The following SBNO1 variants were observed in gnomAD, a reference collection of about 807,000 sequenced individuals.
SBNO1 encodes protein strawberry notch homolog 1.
Under a neutral mutation model 173.6 loss-of-function variants are expected in SBNO1, and 23 were observed. The ratio of observed to expected loss-of-function variants is 0.13; its 90% CI spans 0.10 to 0.19. The LOEUF is 0.19. SBNO1 is among the 10% of genes least tolerant of loss of function. SBNO1 has a pLI of 1.00. For synonymous variants in SBNO1, 632 were observed against 571.5 expected (o/e 1.11, Z -1.51); for missense variants, 1,238 against 1,671.2 (o/e 0.74, Z 4.52).
At chr12:123,358,796 G>C (rs901816402) in intron 1 of SBNO1, among the ~76,000 whole-genome samples, 2 of 150,158 alleles carry the variant, frequency 1.3e-5, no homozygotes, top group African/African-American at 4.9e-5. Context: ...ACAACAAAGG[G>C]AGCTTGGAAT....
intron 8 of SBNO1, 88 bp from the exon 9 acceptor site, chr12:123,330,597 CTT>C: frequency 2.3e-6 from 1 of 437,782 alleles, no homozygotes; most frequent in African/African-American, 7.0e-5. Context: ...GGTCTTGACA[CTT>C]AAAAAAAAAA....
chr12:123,342,213 G>C (rs1872649071), intron 4 of SBNO1, among the ~76,000 whole-genome samples: 1 of 151,808 alleles, frequency 6.6e-6, no homozygotes, highest in South Asian at 2.1e-4. Context: ...TTGCATCATT[G>C]AACTCCAGCC....
At chr12:123,311,854 G>T (rs963853995) in intron 24 of SBNO1, among the ~76,000 whole-genome samples, 8 of 151,396 alleles carry the variant, frequency 5.3e-5, no homozygotes, top group Admixed American at 3.3e-4. Context: ...TCCCACCTCA[G>T]CTTCCCGAGC....
rs2048540485 is a variant in SBNO1 at position 123,293,440 on chromosome 12, G to C, written c.*2468C>G. The C allele has an allele frequency of 6.6e-6, 1 of 152,130 alleles. No individual in the cohort carries two copies. Among genetic ancestry groups the C allele is most frequent in the Admixed American group, 6.6e-5 (1 of 15,266 alleles). The allele number at this position is 152,130 out of a possible 1,614,324, so 9.4% of individuals were successfully genotyped here. ...CGGCCAAACTAACTCGCTGATTTTT[G>C]CAAGACCACAGTGTAAAGGTCGGAT... On this transcript the variant is annotated 3_prime_UTR_variant, in exon 32 of 32. Transcript: ENST00000602398.
chr12:123,331,204 C>T (rs561409096), intron 8 of SBNO1, 38 bp downstream of exon 8: 18 of 1,605,524 alleles, frequency 1.1e-5, no homozygotes, highest in African/African-American at 6.7e-5. Flanking sequence ...CCTCGTGATC[C>T]GCTGCGCCTG....
rs375104907 is a variant in SBNO1, at chr12:123,336,450, T to G, written c.693A>C (p.Glu231Asp). 8.1e-6 allele frequency: 13 copies of G among 1,612,900 alleles called. No homozygotes were observed. The highest frequency in any genetic ancestry group is 3.3e-5 in the Admixed American group (2 of 59,786). ...CTGCATGACCCATTTCTTCTTCATCTTCTTCCTCTGGTTCATCATCTTCTT... is the reference window on the plus strand; with the variant it reads ...CTGCATGACCCATTTCTTCTTCATCGTCTTCCTCTGGTTCATCATCTTCTT... ...VVKEDDEPEE[E>D]DEEEMGHAET... The change falls in exon 6 of 32, where the codon GAA becomes GAC. Residue 231 changes from glutamate (E) to aspartate (D), a missense_variant. Around this residue, in one of 14 missense-constraint regions of SBNO1, gnomAD observed 287 missense variants for 274.1 expected, o/e 1.05. Transcript: ENST00000602398.
intron 1 of SBNO1, 58 bp from the exon 2 acceptor site, chr12:123,350,499 C>T (rs1873745643): frequency 7.5e-7 from 1 of 1,328,636 alleles, no homozygotes; most frequent in South Asian, 1.2e-5. Context: ...AATATTAACT[C>T]CCCTCTAAAT....
chr12:123,316,882 T>TA (rs1303304999), intron 21 of SBNO1, among the ~76,000 whole-genome samples: 2 of 151,892 alleles, frequency 1.3e-5, no homozygotes, highest in Admixed American at 1.3e-4. Context: ...TTTGTATTTT[T>TA]AGTAGAGGCT....
intron 31 of SBNO1, among the ~76,000 whole-genome samples, chr12:123,296,542 CAT>C (rs1436315827): frequency 6.7e-6 from 1 of 148,784 alleles, no homozygotes; most frequent in African/African-American, 2.4e-5. Flanking sequence ...AAATTGCATG[CAT>C]ATATATATGT....
intron 20 of SBNO1, among the ~76,000 whole-genome samples, chr12:123,317,794 T>C (rs2138954239): frequency 6.6e-6 from 1 of 152,326 alleles, no homozygotes; most frequent in South Asian, 2.1e-4. Flanking sequence ...ATAATCTATC[T>C]TATTGAAGTC....
At chr12:123,347,442 G>A (rs1873327213) in intron 3 of SBNO1, among the ~76,000 whole-genome samples, 1 of 151,780 alleles carries the variant, frequency 6.6e-6, no homozygotes, top group Admixed American at 6.6e-5. Context: ...TAACCAGGAT[G>A]GTCTCGATCT....
intron 30 of SBNO1, among the ~76,000 whole-genome samples, chr12:123,300,688 G>A (rs896460687): frequency 8.7e-5 from 13 of 150,000 alleles, no homozygotes; most frequent in Admixed American, 1.3e-4. Flanking sequence ...GGGGCAAGGC[G>A]CGGTGGCTTA....
At chr12:123,347,949 G>A (rs142865422) in intron 3 of SBNO1, 80 bp downstream of exon 3, 8,607 of 814,772 alleles carry the variant, frequency 0.011, 91 homozygotes, top group South Asian at 0.04. Context: ...CTACAGGTGC[G>A]AATCACCACA....
chr12:123,319,093 A>G (rs554739053), intron 20 of SBNO1, among the ~76,000 whole-genome samples: 174 of 151,458 alleles, frequency 1.1e-3, no homozygotes, highest in Non-Finnish European at 1.8e-3. Flanking sequence ...CCTCCTGAGT[A>G]GCTGGGACTA....
rs1269999124 is a variant in SBNO1 at position 123,289,747 on chromosome 12, A to C, written c.*6161T>G. On this transcript the variant is annotated 3_prime_UTR_variant, in exon 32 of 32. Coordinates refer to ENST00000602398, the MANE Select transcript of SBNO1 (RefSeq NM_001167856.3). ...AAATTCAGTATAAACCATGAACAGG[A>C]TATTTTTCTGATAGCGGTGAGACTG... 1 of 152,232 alleles carries C rather than the reference A, an allele frequency of 6.6e-6. No homozygotes were observed. The highest frequency in any genetic ancestry group is 2.4e-5 in the African/African-American group (1 of 41,472). 9.4% of individuals were successfully genotyped at this position (152,232 alleles called of 1,614,324 possible).
chr12:123,326,113 T>TA (rs770269217), intron 14 of SBNO1, 39 bp downstream of exon 14: 3 of 1,273,158 alleles, frequency 2.4e-6, no homozygotes, highest in South Asian at 1.5e-5. Flanking sequence ...CTAAACAACA[T>TA]AACCCCCAAA....
At chr12:123,328,686 A>C (rs1870853119) in intron 10 of SBNO1, 48 bp downstream of exon 10, 1 of 1,376,792 alleles carries the variant, frequency 7.3e-7, no homozygotes, top group East Asian at 2.5e-5. Flanking sequence ...ACCCTTTTAT[A>C]ATTTTCTTGT....
rs1179443645 is a variant in SBNO1, at chr12:123,330,403, TA to T, written c.1134+15del. The stretch of plus-strand genomic sequence containing the variant: ...AATATTTATTGAATGACCAACTGAA[TA>T]AAAAGATTTCATACCTTATTTAACG... On this transcript the variant is annotated intron_variant, in intron 9 of 31. Transcript: ENST00000602398. The T allele has an allele frequency of 3.6e-6, 5 of 1,395,060 alleles. No homozygotes were observed. The Admixed American group carries it at 5.3e-5, about 15-fold the overall frequency. The allele number at this position is 1,395,060 out of a possible 1,614,324, so 86.4% of individuals were successfully genotyped here.
intron 31 of SBNO1, among the ~76,000 whole-genome samples, chr12:123,297,279 G>A (rs1181326414): frequency 1.1e-4 from 16 of 141,980 alleles, no homozygotes; most frequent in Middle Eastern, 3.6e-3. Context: ...GCAGTGAGCC[G>A]GGAGCACGCC....
Sources: gnomAD v4.1 joint callset for allele counts (sites outside exome capture counted in the v4.1 genomes callset) on GRCh38, gnomAD v4.1.1 for gene constraint, gnomAD v4.1.1 regional missense constraint, MANE v1.5 for transcripts, NCBI Gene and HGNC (gene_info 2026-07-23, HGNC 2026-07-21) for gene names.